CDH23: variants seen among roughly 807,000 people sequenced by gnomAD.
CDH23 encodes cadherin related 23.
Under a neutral mutation model 317.1 loss-of-function variants are expected in CDH23, and 189 were observed. The ratio of observed to expected loss-of-function variants is 0.60; its 90% CI spans 0.53 to 0.67. The LOEUF (loss-of-function observed/expected upper bound fraction) is 0.67. Ranked by LOEUF, CDH23 falls within the 30% of genes least tolerant of loss-of-function variation. The probability of loss-of-function intolerance (pLI) is 0.00; values close to 1 mark genes in which losing one functional copy is unlikely to be tolerated. For synonymous variants in CDH23, 1,839 were observed against 1,876.8 expected, an observed-to-expected ratio of 0.98 and a Z score of 0.52; for missense variants, 4,401 against 4,592.4, an observed-to-expected ratio of 0.96 and a Z score of 1.20.
chr10:71,659,840 C>T (rs1863569282), intron 14 of CDH23, among the ~76,000 whole-genome samples: 1 of 152,054 alleles, frequency 6.6e-6, no homozygotes, highest in Non-Finnish European at 1.5e-5. Context: ...GTAGTATCAA[C>T]TTGTATTTCT....
intron 1 of CDH23, among the ~76,000 whole-genome samples, chr10:71,403,403 C>CTT (rs1847915605): frequency 1.2e-5 from 1 of 80,002 alleles, no homozygotes; most frequent in Non-Finnish European, 2.2e-5. Flanking sequence ...TTCTTTCTTT[C>CTT]TTTCTCTTCC....
At chr10:71,431,609 A>G (rs184260106) in intron 1 of CDH23, among the ~76,000 whole-genome samples, 1 of 152,336 alleles carries the variant, frequency 6.6e-6, no homozygotes, top group African/African-American at 2.4e-5. Flanking sequence ...CTGTATTTCT[A>G]TTCAAAGTTG....
Position 71,803,234 on chromosome 10 carries a change from G to T in CDH23, c.7686G>T (p.Ser2562=). 6.2e-7 allele frequency: 1 copy of T among 1,603,036 alleles called. No individual in the cohort carries two copies. ...AGGCCTTCCATGTGGACATGGACTC[G>T]GGCTTGGTGACCACACAGCGGCCAC... ...GVEAFHVDMD[S]GLVTTQRPLQ... is the part of the protein sequence containing the mutation. The change falls in exon 55 of 70, where the codon TCG becomes TCT. Residue 2562 remains serine (S), a synonymous_variant. Transcript: ENST00000224721.
chr10:71,690,096 A>C (rs940502376), intron 19 of CDH23, among the ~76,000 whole-genome samples: 40 of 152,314 alleles, frequency 2.6e-4, no homozygotes, highest in African/African-American at 9.1e-4. Context: ...ATGTAGAATA[A>C]TTTAATATGG....
At chr10:71,756,295 A>T (rs973071785) in intron 38 of CDH23, among the ~76,000 whole-genome samples, 3 of 152,216 alleles carry the variant, frequency 2.0e-5, no homozygotes, top group Admixed American at 2.0e-4. Context: ...ACGCAGCATC[A>T]TATGACAATG....
rs185627234 is a variant in CDH23, at chr10:71,662,458, G to A, written c.1450-12654G>A. On this transcript the variant is annotated intron_variant, in intron 14 of 69. Transcript: ENST00000224721. ...GCGTATCCCACAGGGCAAGGGAGAG[G>A]AGGGAGGGTGTCAGACTTATGACTT... is the stretch of plus-strand genomic sequence containing the variant. 2.8e-3 allele frequency among the ~76,000 whole-genome samples: 419 copies of A among 152,296 alleles called. 1 individual carries two copies. Among genetic ancestry groups the A allele is most frequent in the Non-Finnish European group, 4.5e-3 (307 of 68,014 alleles).
chr10:71,659,793 G>C (rs1196029944), intron 14 of CDH23, among the ~76,000 whole-genome samples: 2 of 152,122 alleles, frequency 1.3e-5, no homozygotes, highest in Non-Finnish European at 2.9e-5. Context: ...TCTAGAAGGA[G>C]CCTTCTCTGC....
intron 2 of CDH23, among the ~76,000 whole-genome samples, chr10:71,445,081 AC>A (rs1850092185): frequency 6.6e-6 from 1 of 152,138 alleles, no homozygotes; most frequent in Non-Finnish European, 1.5e-5. Context: ...CCCCCTCCAG[AC>A]CCAGCCCGCT....
intron 14 of CDH23, among the ~76,000 whole-genome samples, chr10:71,668,786 A>G (rs1389918296): frequency 1.3e-5 from 2 of 152,160 alleles, no homozygotes; most frequent in Non-Finnish European, 2.9e-5. Flanking sequence ...GCATGTAGCA[A>G]TTCCCCCACC....
At chr10:71,483,557 T>G (rs953068692) in intron 3 of CDH23, among the ~76,000 whole-genome samples, 2 of 152,090 alleles carry the variant, frequency 1.3e-5, no homozygotes, top group Admixed American at 1.3e-4. Context: ...TCTGGCACTT[T>G]CCCCCACTAG....
At chr10:71,586,904 A>G (rs1228642471) in intron 9 of CDH23, among the ~76,000 whole-genome samples, 1 of 152,174 alleles carries the variant, frequency 6.6e-6, no homozygotes, top group African/African-American at 2.4e-5. Context: ...CATGTTTGCT[A>G]TGCATATTAC....
At chr10:71,445,962 T>C (rs1161051308) in intron 2 of CDH23, among the ~76,000 whole-genome samples, 2 of 152,112 alleles carry the variant, frequency 1.3e-5, no homozygotes, top group South Asian at 4.1e-4. Context: ...CAATATATAA[T>C]CAATGTAAAA....
intron 60 of CDH23, among the ~76,000 whole-genome samples, chr10:71,809,167 CTTTTTTTTTTTTTTTT>C (rs61078259): frequency 2.9e-5 from 2 of 68,828 alleles, no homozygotes. Flanking sequence ...TTTCTTTTTC[CTTTTTTTTTTTTTTTT>C]TTTTTTTTGG....
chr10:71,622,918 G>A, intron 11 of CDH23: 1 of 985,412 alleles, frequency 1.0e-6, no homozygotes, highest in Non-Finnish European at 1.2e-6. Flanking sequence ...TTTCAGAAAG[G>A]CCTTCGGGCC....
chr10:71,765,410 G>A (rs1193361533), intron 38 of CDH23, among the ~76,000 whole-genome samples: 1 of 152,230 alleles, frequency 6.6e-6, no homozygotes, highest in African/African-American at 2.4e-5. Context: ...AAAGCAAGAT[G>A]CGCAAAGCTG....
At chr10:71,526,024 C>T (rs550732031) in intron 6 of CDH23, among the ~76,000 whole-genome samples, 1 of 152,366 alleles carries the variant, frequency 6.6e-6, no homozygotes, top group South Asian at 2.1e-4. Context: ...CCTTCACCCA[C>T]AGCAACAGGA....
chr10:71,456,896 G>A (rs1850724107), intron 3 of CDH23, among the ~76,000 whole-genome samples: 2 of 152,260 alleles, frequency 1.3e-5, no homozygotes, highest in South Asian at 2.1e-4. Context: ...TGAACCTATC[G>A]CCCTCTGGCC....
At chr10:71,494,481 T>G (rs771541865) in intron 3 of CDH23, among the ~76,000 whole-genome samples, 1 of 152,218 alleles carries the variant, frequency 6.6e-6, no homozygotes, top group Non-Finnish European at 1.5e-5. Flanking sequence ...CTGTGTGATC[T>G]TCGGCAAGTT....
chr10:71,670,000 CAA>C (rs11297300), intron 14 of CDH23, among the ~76,000 whole-genome samples: 2 of 151,478 alleles, frequency 1.3e-5, no homozygotes, highest in African/African-American at 4.9e-5. Context: ...GACTCCGTCT[CAA>C]AAAAAAAATT....
Sources: gnomAD v4.1 joint callset for allele counts (sites outside exome capture counted in the v4.1 genomes callset) on GRCh38, gnomAD v4.1.1 for gene constraint, MANE v1.5 for transcripts, NCBI Gene and HGNC (gene_info 2026-07-23, HGNC 2026-07-21) for gene names.